The following FGD6 variants were observed in gnomAD, a reference collection of about 807,000 sequenced individuals.
The protein encoded by FGD6 is FYVE, RhoGEF and PH domain containing 6, also known as FYVE, RhoGEF and PH domain-containing protein 6.
FGD6 carries 90 observed loss-of-function variants against 149.4 expected under a neutral mutation model. The ratio of observed to expected loss-of-function variants is 0.60; its 90% CI spans 0.51 to 0.72. The LOEUF (loss-of-function observed/expected upper bound fraction) is 0.72, where lower values mean the gene tolerates loss of function less well. Among genes scored for constraint, FGD6 ranks in the 30% least tolerant of loss-of-function variants. FGD6 has a pLI of 0.00. For missense variants in FGD6, 1,437 were observed against 1,684.8 expected (o/e 0.85, Z 2.57); for synonymous variants, 527 against 584.0 (o/e 0.90, Z 1.41).
intron 18 of FGD6, among the ~76,000 whole-genome samples, chr12:95,086,208 T>C (rs1877858575): frequency 1.3e-5 from 2 of 152,102 alleles, no homozygotes; most frequent in Non-Finnish European, 2.9e-5. Context: ...TGAAGAAAAA[T>C]AGTTCCAGAA....
chr12:95,197,311 A>G (rs2136297191), intron 2 of FGD6, among the ~76,000 whole-genome samples: 1 of 152,128 alleles, frequency 6.6e-6, no homozygotes, highest in East Asian at 1.9e-4. Flanking sequence ...GGTGGTGTGC[A>G]CCTGTAATCC....
chr12:95,202,223 T>C (rs571708010), intron 2 of FGD6, among the ~76,000 whole-genome samples: 53 of 151,340 alleles, frequency 3.5e-4, no homozygotes, highest in Non-Finnish European at 6.0e-4. Flanking sequence ...CCCATCTCTA[T>C]TAAAAGTACA....
At chr12:95,112,652 G>A (rs1878866911) in intron 9 of FGD6, among the ~76,000 whole-genome samples, 1 of 152,120 alleles carries the variant, frequency 6.6e-6, no homozygotes, top group South Asian at 2.1e-4. Context: ...AGGTTGTTGG[G>A]AATAAACAGA....
At chr12:95,086,696 C>T (rs376449259) in intron 18 of FGD6, among the ~76,000 whole-genome samples, 2 of 147,300 alleles carry the variant, frequency 1.4e-5, no homozygotes, top group African/African-American at 2.5e-5. Context: ...CCTGCCACCA[C>T]GTCCGGCTAT....
Position 95,105,103 on chromosome 12 carries a change from C to A in FGD6, c.3418-17G>T. 1.3e-6 allele frequency: 2 copies of A among 1,591,960 alleles called. No individual in the cohort carries two copies. The highest frequency in any genetic ancestry group is 1.7e-6 in the Non-Finnish European group (2 of 1,172,684). ...TTTTCTGACCTGGAAGAAAGCACAA[C>A]AATTTGAGCCGACTCATCCTACTGA... On this transcript the variant is annotated splice_polypyrimidine_tract_variant and intron_variant, in intron 13 of 20. Transcript: ENST00000343958.
chr12:95,086,507 G>A (rs568588679), intron 18 of FGD6, among the ~76,000 whole-genome samples: 7 of 145,796 alleles, frequency 4.8e-5, no homozygotes, highest in Admixed American at 4.8e-4. Flanking sequence ...CAAAAAGACA[G>A]TAAGCTTTTA....
At chr12:95,145,991 A>C (rs1219376103) in intron 5 of FGD6, among the ~76,000 whole-genome samples, 3 of 152,146 alleles carry the variant, frequency 2.0e-5, no homozygotes, top group Non-Finnish European at 4.4e-5. Flanking sequence ...CCATTGTGAT[A>C]GTCCTGAATA....
intron 1 of FGD6, 141 bp downstream of exon 1, chr12:95,217,084 T>C: frequency 1.5e-6 from 2 of 1,312,874 alleles, no homozygotes; most frequent in South Asian, 1.3e-5. Flanking sequence ...CGAATCCCAT[T>C]AGCTCCGCGC....
chr12:95,120,004 G>C (rs535990873), intron 8 of FGD6, among the ~76,000 whole-genome samples: 5 of 152,260 alleles, frequency 3.3e-5, no homozygotes, highest in African/African-American at 1.2e-4. Flanking sequence ...GCTGAGGCGG[G>C]AGGATCACGA....
At chr12:95,135,265 A>C (rs1465383112) in intron 7 of FGD6, among the ~76,000 whole-genome samples, 1 of 152,216 alleles carries the variant, frequency 6.6e-6, no homozygotes, top group African/African-American at 2.4e-5. Flanking sequence ...TGATAATCAG[A>C]GCCTTGTGGT....
At chr12:95,133,442 C>T (rs1016558428) in intron 8 of FGD6, among the ~76,000 whole-genome samples, 2 of 152,158 alleles carry the variant, frequency 1.3e-5, no homozygotes, top group African/African-American at 4.8e-5. Context: ...TGTCACTAGG[C>T]AAGCTTTGAA....
At chr12:95,090,952 A>T (rs998297316) in intron 17 of FGD6, among the ~76,000 whole-genome samples, 3 of 152,120 alleles carry the variant, frequency 2.0e-5, no homozygotes, top group African/African-American at 7.2e-5. Context: ...AAATACAAAA[A>T]TTAGCCTGGC....
intron 1 of FGD6, 37 bp downstream of exon 1, chr12:95,217,188 C>T (rs1409407728): frequency 2.5e-6 from 4 of 1,611,920 alleles, no homozygotes; most frequent in African/African-American, 2.7e-5. Context: ...GCGCTCGCCA[C>T]AAACTTTCCC....
At chr12:95,193,359 A>ATTT (rs766118976) in intron 2 of FGD6, among the ~76,000 whole-genome samples, 1 of 144,828 alleles carries the variant, frequency 6.9e-6, no homozygotes. Context: ...ATCATGCTGA[A>ATTT]TTTTTTTTTT....
In FGD6 at chr12:95,131,996, T is replaced by C. The variant is rs1021990878; in HGVS notation, c.3082+2743A>G. 2.0e-5 allele frequency among the ~76,000 whole-genome samples: 3 copies of C among 152,162 alleles called. No homozygotes were observed. In the South Asian group the frequency reaches 6.2e-4, roughly 32 times the overall value. ...CGGAGGTTGCAGTGAGCTGAGATTG[T>C]GCCACTGCACTACAGCCTGGGTAAC... On this transcript the variant is annotated intron_variant, in intron 8 of 20. Transcript: ENST00000343958.
intron 16 of FGD6, 122 bp downstream of exon 16, chr12:95,092,571 CATAATA>C (rs1262666916): frequency 1.3e-5 from 13 of 984,804 alleles, no homozygotes; most frequent in African/African-American, 8.3e-5. Context: ...CTACCATTAA[CATAATA>C]ATAATAATAG....
chr12:95,113,079 T>A (rs1303453810), intron 9 of FGD6, among the ~76,000 whole-genome samples: 1 of 152,124 alleles, frequency 6.6e-6, no homozygotes, highest in Non-Finnish European at 1.5e-5. Context: ...GCCACCACGC[T>A]GGCTTCACAG....
At chr12:95,143,652 C>T (rs998955842) in intron 5 of FGD6, among the ~76,000 whole-genome samples, 3 of 152,150 alleles carry the variant, frequency 2.0e-5, no homozygotes, top group African/African-American at 7.2e-5. Flanking sequence ...TTTCACCTCC[C>T]AACAGCTTGC....
At chr12:95,182,401 A>G (rs566527867) in intron 2 of FGD6, among the ~76,000 whole-genome samples, 2 of 152,204 alleles carry the variant, frequency 1.3e-5, no homozygotes, top group South Asian at 4.2e-4. Context: ...GGGTTTCACT[A>G]TGCTGGCCAG....
Sources: allele counts gnomAD v4.1 joint callset (sites outside exome capture counted in the v4.1 genomes callset), GRCh38; gene constraint gnomAD v4.1.1; transcripts MANE v1.5; gene names NCBI Gene and HGNC (gene_info 2026-07-23, HGNC 2026-07-21).